Variants in MYOF observed in about 807,000 individuals in gnomAD.
The protein encoded by MYOF is fer-1-like 3, myoferlin.
Under a neutral mutation model 284.2 loss-of-function variants are expected in MYOF, and 244 were observed. The observed-to-expected ratio is 0.86, with a 90% CI of 0.77 to 0.95. MYOF has a LOEUF of 0.95. Among genes scored for constraint, MYOF ranks in the 40% least tolerant of loss-of-function variants. The pLI is 0.00. For missense variants in MYOF, 2,496 were observed against 2,560.6 expected (o/e 0.97, Z 0.54); for synonymous variants, 904 against 919.7 (o/e 0.98, Z 0.31).
intron 4 of MYOF, among the ~76,000 whole-genome samples, chr10:93,428,320 C>G (rs1214185072): frequency 6.6e-6 from 1 of 151,610 alleles, no homozygotes; most frequent in Non-Finnish European, 1.5e-5. Context: ...CCTGCTTCAG[C>G]CTCCTGGGTA....
At chr10:93,419,011 T>C (rs1040700400) in intron 5 of MYOF, among the ~76,000 whole-genome samples, 4 of 152,146 alleles carry the variant, frequency 2.6e-5, no homozygotes, top group African/African-American at 9.7e-5. Context: ...TGGAGTACCT[T>C]TCATGGAGCC....
At position 93,323,202 on chromosome 10, in the gene MYOF, T is replaced by C. The variant is rs909939349; in HGVS notation, c.5361-29A>G. On this transcript the variant is annotated intron_variant, in intron 47 of 53. Coordinates refer to ENST00000359263, the MANE Select transcript of MYOF (RefSeq NM_013451.4). ...CAAGAAGCACAGTTGGAAGGTACTT[T>C]TTTTTCTGGTCCTGGACCAAGTCCC... 2.5e-6 allele frequency: 4 copies of C among 1,613,788 alleles called. No homozygotes were observed. In the African/African-American group the frequency reaches 4.0e-5, roughly 16 times the overall value.
chr10:93,321,659 A>T (rs1243801623), intron 48 of MYOF, among the ~76,000 whole-genome samples: 2 of 151,908 alleles, frequency 1.3e-5, no homozygotes, highest in Non-Finnish European at 2.9e-5. Flanking sequence ...GGTCACCATC[A>T]TCCTACCCTA....
At chr10:93,414,110 A>C (rs1001989398) in intron 5 of MYOF, among the ~76,000 whole-genome samples, 1 of 152,190 alleles carries the variant, frequency 6.6e-6, no homozygotes, top group African/African-American at 2.4e-5. Flanking sequence ...TCGAGGGAAA[A>C]ATCCTTCCTG....
intron 3 of MYOF, among the ~76,000 whole-genome samples, chr10:93,449,002 A>T (rs1025459292): frequency 1.3e-5 from 2 of 152,092 alleles, no homozygotes; most frequent in African/African-American, 2.4e-5. Context: ...CTCAAAAAAA[A>T]AGCAAGAGGG....
chr10:93,451,944 T>G, intron 3 of MYOF, 106 bp downstream of exon 3: 1 of 838,146 alleles, frequency 1.2e-6, no homozygotes, highest in Admixed American at 2.2e-5. Flanking sequence ...AGCACATTTA[T>G]ATTGGAAGTA....
intron 3 of MYOF, among the ~76,000 whole-genome samples, chr10:93,434,176 A>G (rs1209926982): frequency 5.3e-5 from 8 of 152,114 alleles, no homozygotes; most frequent in African/African-American, 1.9e-4. Context: ...CATGTCTGTA[A>G]TCCTAGCACT....
rs770189128 is a variant in MYOF at position 93,336,017 on chromosome 10, T to C, written c.4467A>G (p.Ala1489=). ...KIYNCELENV[A]EFEGLTDFSD... ...AGAAGTCTGTCAGGCCCTCAAATTC[T>C]GCTACATTTTCTAGTTCACAATTAT... The change falls in exon 41 of 54, where the codon GCA becomes GCG. Residue 1489 remains alanine, a synonymous_variant. Coordinates refer to ENST00000359263, the MANE Select transcript of MYOF (RefSeq NM_013451.4). 9.3e-6 allele frequency: 15 copies of C among 1,614,052 alleles called. No homozygotes were observed. The highest frequency in any genetic ancestry group is 1.3e-5 in the Non-Finnish European group (15 of 1,179,964).
At chr10:93,398,050 T>C (rs1019057210) in intron 13 of MYOF, among the ~76,000 whole-genome samples, 7 of 152,172 alleles carry the variant, frequency 4.6e-5, no homozygotes, top group African/African-American at 1.2e-4. Context: ...CTGTGTAACA[T>C]CTTCAGGGGG....
intron 4 of MYOF, among the ~76,000 whole-genome samples, chr10:93,427,447 C>T (rs573829354): frequency 1.2e-4 from 18 of 147,774 alleles, no homozygotes; most frequent in African/African-American, 4.5e-4. Context: ...CGGAGAATCT[C>T]TTGAACTCGG....
At chr10:93,455,674 TA>T (rs536136291) in intron 2 of MYOF, among the ~76,000 whole-genome samples, 3 of 150,900 alleles carry the variant, frequency 2.0e-5, no homozygotes, top group Admixed American at 6.6e-5. Flanking sequence ...AACAAACAAA[TA>T]AAAAAAAACC....
intron 53 of MYOF, among the ~76,000 whole-genome samples, chr10:93,307,703 C>T (rs902815595): frequency 6.6e-6 from 1 of 150,960 alleles, no homozygotes; most frequent in Non-Finnish European, 1.5e-5. Context: ...CCAGTCACTG[C>T]AACCTTTGCC....
chr10:93,429,538 C>A (rs967258699), intron 4 of MYOF, among the ~76,000 whole-genome samples: 1 of 152,214 alleles, frequency 6.6e-6, no homozygotes. Flanking sequence ...AGAATCATTT[C>A]TCTCAGCTAG....
At chr10:93,447,593 C>T (rs1010402059) in intron 3 of MYOF, among the ~76,000 whole-genome samples, 12 of 152,264 alleles carry the variant, frequency 7.9e-5, no homozygotes, top group East Asian at 1.9e-4. Flanking sequence ...ATTTAGACCA[C>T]GGTATAAAAC....
chr10:93,338,611 G>A (rs901974665), intron 39 of MYOF: 20 of 432,312 alleles, frequency 4.6e-5, no homozygotes, highest in Admixed American at 3.0e-4. Context: ...AACGTGAAAC[G>A]AAAGGCAGGA....
chr10:93,390,135 C>G (rs59547820), intron 17 of MYOF, among the ~76,000 whole-genome samples: 4,751 of 152,264 alleles, frequency 0.031, 247 homozygotes, highest in African/African-American at 0.11. Flanking sequence ...TATCTATGGC[C>G]CTTTCCAACT....
chr10:93,473,494 AG>A (rs1175328485), intron 1 of MYOF, among the ~76,000 whole-genome samples: 1 of 152,218 alleles, frequency 6.6e-6, no homozygotes, highest in Non-Finnish European at 1.5e-5. Context: ...GGCCTCACTA[AG>A]GACAGCCAAT....
At chr10:93,316,453 T>C (rs888497908) in intron 50 of MYOF, among the ~76,000 whole-genome samples, 12 of 151,950 alleles carry the variant, frequency 7.9e-5, no homozygotes, top group African/African-American at 2.7e-4. Context: ...GGCATCCCCC[T>C]GCAGAAACAG....
In MYOF at chr10:93,399,392, C is replaced by CT. The variant is rs752546951; in HGVS notation, c.1220dup (p.Val408GlyfsTer7). 3 of 1,606,480 alleles carry CT rather than the reference C, an allele frequency of 1.9e-6. No homozygotes were observed. The highest frequency in any genetic ancestry group is 2.2e-5 in the East Asian group (1 of 44,826). ...ATCTGCATTTAGATCATGTACAAACCTTTTTTCCAGCAAAGGAAACTTCTA... is the reference window on the plus strand; with the variant it reads ...ATCTGCATTTAGATCATGTACAAACCTTTTTTTCCAGCAAAGGAAACTTCTA... On this transcript the variant is annotated frameshift_variant and splice_region_variant, in exon 13 of 54. Coordinates refer to ENST00000359263, the MANE Select transcript of MYOF (RefSeq NM_013451.4). LOFTEE classifies it high-confidence loss of function.
Sources: allele counts gnomAD v4.1 joint callset (sites outside exome capture counted in the v4.1 genomes callset), GRCh38; gene constraint gnomAD v4.1.1; transcripts MANE v1.5; gene names NCBI Gene and HGNC (gene_info 2026-07-23, HGNC 2026-07-21).